LPCAT3: variants seen among roughly 807,000 people sequenced by gnomAD.
LPCAT3 encodes the protein lysophospholipid acyltransferase 5.
LPCAT3 carries 21 observed loss-of-function variants against 63.4 expected under a neutral mutation model. The ratio of observed to expected loss-of-function variants is 0.33; its 90% CI spans 0.23 to 0.48. The LOEUF (loss-of-function observed/expected upper bound fraction) is 0.48. LPCAT3 is among the 20% of genes least tolerant of loss of function. LPCAT3 has a pLI of 0.99. For missense variants in LPCAT3, 451 were observed against 590.6 expected, an observed-to-expected ratio of 0.76 and a Z score of 2.45; for synonymous variants, 242 against 227.5, an observed-to-expected ratio of 1.06 and a Z score of -0.58.
intron 1 of LPCAT3, among the ~76,000 whole-genome samples, chr12:6,990,526 A>AAAT (rs782814005): frequency 1.6e-4 from 23 of 144,504 alleles, no homozygotes; most frequent in Middle Eastern, 3.6e-3. Flanking sequence ...AAATTAAAAT[A>AAAT]AAATAAATAA....
In LPCAT3 at chr12:6,982,795, A is replaced by G; in HGVS notation, c.260-13T>C. ...TAGAGCTGGTTTCCTGGATGCAAGA[A>G]GAGAGAATTTAGCCTGGTTTTTACA... On this transcript the variant is annotated splice_polypyrimidine_tract_variant and intron_variant, in intron 2 of 12. Transcript: ENST00000261407. 6.3e-7 allele frequency: 1 copy of G among 1,581,044 alleles called. No individual in the cohort carries two copies. Among genetic ancestry groups the G allele is most frequent in the South Asian group, 1.1e-5 (1 of 90,310 alleles).
chr12:7,002,214 G>A (rs1946692928), intron 1 of LPCAT3, among the ~76,000 whole-genome samples: 1 of 152,118 alleles, frequency 6.6e-6, no homozygotes. Context: ...GCTTCCTCCT[G>A]TTCTTACCCT....
intron 1 of LPCAT3, among the ~76,000 whole-genome samples, chr12:6,995,177 A>G (rs1946626244): frequency 6.6e-6 from 1 of 151,692 alleles, no homozygotes; most frequent in Non-Finnish European, 1.5e-5. Flanking sequence ...CACAACATTC[A>G]AAAGTGTGTT....
chr12:7,008,868 CA>C (rs1234909191), intron 1 of LPCAT3, among the ~76,000 whole-genome samples: 5 of 152,090 alleles, frequency 3.3e-5, no homozygotes, highest in African/African-American at 1.2e-4. Context: ...AACATAATAA[CA>C]ATGTGAACAT....
Position 6,976,696 on chromosome 12 carries a change from G to A in LPCAT3, c.*208C>T, listed in dbSNP as rs1194925833. ...TGAGATCCCGCCACTGCATTCCAGC[G>A]TGGGTGACAAAGCAAGACGCCTTCT... On this transcript the variant is annotated 3_prime_UTR_variant, in exon 13 of 13. Coordinates refer to ENST00000261407, the MANE Select transcript of LPCAT3 (RefSeq NM_005768.6). 2.5e-5 allele frequency: 4 copies of A among 157,900 alleles called. No homozygotes were observed. Among genetic ancestry groups the A allele is most frequent in the Admixed American group, 6.1e-5 (1 of 16,426 alleles). 9.8% of individuals were successfully genotyped at this position (157,900 alleles called of 1,614,324 possible).
chr12:7,010,459 C>A (rs1264814157), intron 1 of LPCAT3, among the ~76,000 whole-genome samples: 2 of 152,166 alleles, frequency 1.3e-5, no homozygotes, highest in African/African-American at 4.8e-5. Flanking sequence ...TCCTGTTGCC[C>A]AGGCTGGTGC....
chr12:7,016,099 A>T (rs1301727301), intron 1 of LPCAT3, among the ~76,000 whole-genome samples: 8 of 143,564 alleles, frequency 5.6e-5, no homozygotes, highest in Non-Finnish European at 9.2e-5. Flanking sequence ...ATGTAATACA[A>T]TTTTTTTTTT....
chr12:7,018,315 G>T lies in LPCAT3; in HGVS notation c.110C>A (p.Ala37Glu). The T allele has an allele frequency of 6.2e-7, 1 of 1,609,196 alleles. No individual in the cohort carries two copies. Among genetic ancestry groups the T allele is most frequent in the Non-Finnish European group, 8.5e-7 (1 of 1,178,092 alleles). The change falls in exon 1 of 13, where the codon GCG (alanine) becomes GAG (glutamate). Residue 37 changes from alanine (A) to glutamate (E), a missense_variant. Ala to Glu is a moderately radical substitution (Grantham distance 107). This residue lies in a region of LPCAT3 where 133 missense variants were observed against 152.1 expected (regional missense o/e 0.87). Coordinates refer to ENST00000261407, the MANE Select transcript of LPCAT3 (RefSeq NM_005768.6). This position sits in a 1 kb window ranked among gnomAD's most constrained non-coding sequence, Gnocchi z 4.9. Reference sequence around the variant, plus strand: ...GATCAGCCGCAGCGCCTGTTCTGACGCGCCCAGGGACGTCGCCAACTTGTT... The same window carrying T: ...GATCAGCCGCAGCGCCTGTTCTGACTCGCCCAGGGACGTCGCCAACTTGTT... ...SLNKLATSLGASEQALRLIIS... is the reference protein window; with the variant it reads ...SLNKLATSLGESEQALRLIIS...
intron 1 of LPCAT3, 71 bp from the exon 2 acceptor site, chr12:6,983,610 T>G: frequency 1.0e-6 from 1 of 982,716 alleles, no homozygotes; most frequent in South Asian, 1.4e-5. Context: ...TGGAAGTTTA[T>G]CTGGCATGAA....
intron 1 of LPCAT3, among the ~76,000 whole-genome samples, chr12:6,988,734 C>A (rs1174052414): frequency 6.6e-6 from 1 of 152,166 alleles, no homozygotes; most frequent in Non-Finnish European, 1.5e-5. Context: ...ATGCAGGCCG[C>A]AGTGCTCAGT....
chr12:7,009,751 A>G (rs1946749353), intron 1 of LPCAT3, among the ~76,000 whole-genome samples: 1 of 152,246 alleles, frequency 6.6e-6, no homozygotes. Context: ...AACAGTTCTC[A>G]AACTTTTCCA....
intron 1 of LPCAT3, among the ~76,000 whole-genome samples, chr12:6,997,696 C>G (rs1555156202): frequency 6.6e-6 from 1 of 151,858 alleles, no homozygotes; most frequent in East Asian, 1.9e-4. Flanking sequence ...AAGTGATTCT[C>G]CTGCCTCAGC....
intron 1 of LPCAT3, among the ~76,000 whole-genome samples, chr12:6,983,994 C>G (rs1946498464): frequency 6.6e-6 from 1 of 152,130 alleles, no homozygotes; most frequent in Non-Finnish European, 1.5e-5. Flanking sequence ...AAACAAGATA[C>G]AAAGATTTGA....
chr12:6,977,301 G>C lies in LPCAT3; in HGVS notation c.1348-39C>G. 6.2e-7 allele frequency: 1 copy of C among 1,611,704 alleles called. No homozygotes were observed. Among genetic ancestry groups the C allele is most frequent in the Non-Finnish European group, 8.5e-7 (1 of 1,177,830 alleles). On this transcript the variant is annotated intron_variant, in intron 11 of 12. Transcript: ENST00000261407. The surrounding 1 kb of genome is among the most constrained non-coding windows in gnomAD (Gnocchi z 4.5). ...GGCCACTAAGGTAGACAGGCCTGGA[G>C]TGTCCTTTGCAACCTTTGAGGTTGC...
intron 1 of LPCAT3, among the ~76,000 whole-genome samples, chr12:6,988,852 C>T (rs1490739247): frequency 2.0e-5 from 3 of 152,106 alleles, no homozygotes; most frequent in East Asian, 1.9e-4. Flanking sequence ...GTTGGCCGGG[C>T]GCCGTGGCTC....
At chr12:7,015,501 A>G (rs1387932615) in intron 1 of LPCAT3, among the ~76,000 whole-genome samples, 2 of 152,224 alleles carry the variant, frequency 1.3e-5, no homozygotes, top group Non-Finnish European at 2.9e-5. Flanking sequence ...AAACATATTT[A>G]CAACCAAAAT....
At chr12:6,994,487 C>T (rs781993156) in intron 1 of LPCAT3, among the ~76,000 whole-genome samples, 3 of 152,112 alleles carry the variant, frequency 2.0e-5, no homozygotes, top group African/African-American at 7.2e-5. Context: ...GGATTACAGG[C>T]GTGAGCCACC....
intron 7 of LPCAT3, chr12:6,979,071 C>G (rs1555153714): frequency 3.4e-6 from 1 of 296,098 alleles, no homozygotes; most frequent in African/African-American, 2.2e-5. Context: ...TTCAGCTGGG[C>G]AGGAGCAAAA....
chr12:6,991,288 C>T (rs1272270375), intron 1 of LPCAT3, among the ~76,000 whole-genome samples: 2 of 152,122 alleles, frequency 1.3e-5, no homozygotes, highest in Non-Finnish European at 2.9e-5. Flanking sequence ...TATTCTTTAG[C>T]GCTACATCAA....
Sources: allele counts gnomAD v4.1 joint callset (sites outside exome capture counted in the v4.1 genomes callset), GRCh38; gene constraint gnomAD v4.1.1; regional missense constraint gnomAD v4.1.1; non-coding constraint Gnocchi (gnomAD v3.1); transcripts MANE v1.5; gene names NCBI Gene and HGNC (gene_info 2026-07-23, HGNC 2026-07-21).